ABI1: variants seen among roughly 807,000 people sequenced by gnomAD.
The protein encoded by ABI1 is Abelson interactor 1.
A neutral mutation model predicts 54.6 loss-of-function variants in ABI1; 14 were observed. The observed-to-expected ratio is 0.26, with a 90% CI of 0.17 to 0.40. ABI1 has a LOEUF of 0.40. Among genes scored for constraint, ABI1 ranks in the 10% least tolerant of loss-of-function variants. ABI1 has a pLI of 1.00. For missense variants in ABI1, 443 were observed against 598.3 expected, an observed-to-expected ratio of 0.74 and a Z score of 2.71; for synonymous variants, 194 against 209.3, an observed-to-expected ratio of 0.93 and a Z score of 0.63.
rs111243555 is a variant in ABI1 at position 26,762,250 on chromosome 10, C to T, written c.820+2968G>A. 2.7e-3 allele frequency among the ~76,000 whole-genome samples: 411 copies of T among 152,268 alleles called. 1 individual carries two copies. The highest frequency in any genetic ancestry group is 9.5e-3 in the African/African-American group (394 of 41,542). On this transcript the variant is annotated intron_variant, in intron 7 of 10. Transcript: ENST00000376140. ...TCTTGAACTCCTGGATCAAGCAATC[C>T]GCCTGCCTCAGCCTCCCAAAGTGCT...
chr10:26,850,448 A>G (rs1399310109), intron 1 of ABI1, among the ~76,000 whole-genome samples: 1 of 152,016 alleles, frequency 6.6e-6, no homozygotes, highest in East Asian at 1.9e-4. Context: ...TCACGAGGTC[A>G]GCAGTTCAAG....
rs754168378 is a variant in ABI1 at position 26,768,965 on chromosome 10, T to C, written c.606A>G (p.Glu202=). 1 of 1,612,278 alleles carries C rather than the reference T, an allele frequency of 6.2e-7. No individual in the cohort carries two copies. Among genetic ancestry groups the C allele is most frequent in the Non-Finnish European group, 8.5e-7 (1 of 1,178,952 alleles). ...TAGGAACTGTTGGGGGTTTAACAGG[T>C]TCCAGGGTTTTATAAGGAGTATTCC... ...LGRNTPYKTL[E]PVKPPTVPND... is the part of the protein sequence containing the mutation. The change falls in exon 6 of 11, where the codon GAA becomes GAG. Residue 202 remains glutamate, a synonymous_variant. Transcript: ENST00000376140.
At chr10:26,820,095 T>A (rs1005253795) in intron 2 of ABI1, among the ~76,000 whole-genome samples, 1 of 152,184 alleles carries the variant, frequency 6.6e-6, no homozygotes, top group Non-Finnish European at 1.5e-5. Flanking sequence ...GATGAATAAG[T>A]TCTGGAGATC....
chr10:26,808,156 C>T (rs778072020), intron 2 of ABI1, among the ~76,000 whole-genome samples: 14 of 152,156 alleles, frequency 9.2e-5, no homozygotes, highest in Non-Finnish European at 1.6e-4. Flanking sequence ...ATAACAATCT[C>T]TTATCTGTAG....
chr10:26,796,066 G>A (rs556995581), intron 2 of ABI1, among the ~76,000 whole-genome samples: 2 of 152,212 alleles, frequency 1.3e-5, no homozygotes, highest in African/African-American at 4.8e-5. Context: ...TCCAGCCTGG[G>A]TGACGGAGTG....
chr10:26,751,635 C>T lies in ABI1; in HGVS notation c.1233G>A (p.Gly411=), dbSNP rs1178232267. 1 of 1,612,930 alleles carries T rather than the reference C, an allele frequency of 6.2e-7. No homozygotes were observed. Among genetic ancestry groups the T allele is most frequent in the Admixed American group, 1.7e-5 (1 of 59,816 alleles). ...AATTCTTGGGGGCCCAAGCAGGATC[C>T]CCATCTGCATATGGATCATTATACT... ...VVQYNDPYAD[G]DPAWAPKNYI... Residue 411 remains glycine (G), a synonymous_variant, in exon 10 of 11, where the codon GGG becomes GGA. Coordinates refer to ENST00000376140, the MANE Select transcript of ABI1 (RefSeq NM_001012750.3).
At chr10:26,751,426 C>T (rs1452890586) in intron 10 of ABI1, among the ~76,000 whole-genome samples, 172 bp downstream of exon 10, 3 of 151,912 alleles carry the variant, frequency 2.0e-5, no homozygotes, top group Non-Finnish European at 4.4e-5. Flanking sequence ...AGAAAGAATC[C>T]CCCTGTACAC....
chr10:26,751,562 A>G (rs1837635602), intron 10 of ABI1, 36 bp downstream of exon 10: 1 of 1,583,482 alleles, frequency 6.3e-7, no homozygotes, highest in Non-Finnish European at 8.6e-7. Context: ...CAATTAGGTT[A>G]TTTTCCTTCA....
In ABI1 at chr10:26,787,863, T is replaced by TA. The variant is rs771095970; in HGVS notation, c.286-10623dup. Among the ~76,000 whole-genome samples the TA allele has an allele frequency of 3.5e-3, 467 of 133,440 alleles. 1 individual carries two copies. Among genetic ancestry groups the TA allele is most frequent in the South Asian group, 5.9e-3 (25 of 4,226 alleles). 87.5% of individuals were successfully genotyped at this position (133,440 alleles called of 152,430 possible). A position where few individuals can be genotyped will look rare whatever the true frequency, so the allele number is the denominator to read the frequency against. On this transcript the variant is annotated intron_variant, in intron 2 of 10. Transcript: ENST00000376140. ...TATAGCAATCCTTAGACCCACTGGT[T>TA]AAAAAAAAAAAAAAAGCGTGCAATC...
At chr10:26,777,504 G>A (rs545219840) in intron 2 of ABI1, among the ~76,000 whole-genome samples, 1 of 152,290 alleles carries the variant, frequency 6.6e-6, no homozygotes, top group East Asian at 1.9e-4. Context: ...TGTGGGCCGG[G>A]CATGGTGGCT....
chr10:26,823,455 G>C, intron 1 of ABI1, 150 bp from the exon 2 acceptor site: 1 of 668,294 alleles, frequency 1.5e-6, no homozygotes, highest in Non-Finnish European at 2.2e-6. Context: ...GGATACTACT[G>C]AATTAAGCCA....
In ABI1 at chr10:26,748,729, A is replaced by G. The variant is rs1837215629; in HGVS notation, c.1287T>C (p.Asp429=). ...NYIEKVVAIY[D]YTKDKDDELS... is the part of the protein sequence containing the mutation. ...GCTCATCATCCTTGTCTTTTGTATA[A>G]TCATATATTGCAACAACTATGGAAA... The change falls in exon 11 of 11, where the codon GAT becomes GAC. Residue 429 remains aspartate (D), a synonymous_variant. Coordinates refer to ENST00000376140, the MANE Select transcript of ABI1 (RefSeq NM_001012750.3). The G allele has an allele frequency of 6.2e-7, 1 of 1,611,560 alleles. No homozygotes were observed. Among genetic ancestry groups the G allele is most frequent in the Admixed American group, 1.7e-5 (1 of 59,834 alleles).
intron 4 of ABI1, 90 bp downstream of exon 4, chr10:26,770,985 A>C: frequency 7.7e-7 from 1 of 1,299,408 alleles, no homozygotes; most frequent in Non-Finnish European, 1.1e-6. Context: ...GCAGACAGAC[A>C]TAAGAAGAGT....
At chr10:26,835,776 T>C (rs1288362596) in intron 1 of ABI1, among the ~76,000 whole-genome samples, 2 of 109,268 alleles carry the variant, frequency 1.8e-5, no homozygotes, top group African/African-American at 9.9e-5. Context: ...TTTTTACTAA[T>C]ATTTTTTTTT....
chr10:26,827,374 A>C (rs2048370685), intron 1 of ABI1, among the ~76,000 whole-genome samples: 1 of 151,818 alleles, frequency 6.6e-6, no homozygotes, highest in African/African-American at 2.4e-5. Context: ...GGTGCCTGCC[A>C]CCACACCTGG....
At chr10:26,782,981 A>G (rs1842318849) in intron 2 of ABI1, among the ~76,000 whole-genome samples, 1 of 152,198 alleles carries the variant, frequency 6.6e-6, no homozygotes, top group South Asian at 2.1e-4. Flanking sequence ...AATTATAGGT[A>G]TATACTCAAA....
intron 2 of ABI1, among the ~76,000 whole-genome samples, chr10:26,795,021 G>A (rs887520950): frequency 1.3e-5 from 2 of 152,026 alleles, no homozygotes; most frequent in East Asian, 3.9e-4. Context: ...GCGCACGCCT[G>A]TAATCCCAGC....
chr10:26,793,015 A>T (rs1270579151), intron 2 of ABI1, among the ~76,000 whole-genome samples: 1 of 152,218 alleles, frequency 6.6e-6, no homozygotes, highest in Non-Finnish European at 1.5e-5. Flanking sequence ...GATTTTCTAC[A>T]ATATCATCTC....
At chr10:26,804,002 A>T (rs1045493396) in intron 2 of ABI1, among the ~76,000 whole-genome samples, 1 of 151,624 alleles carries the variant, frequency 6.6e-6, no homozygotes, top group Non-Finnish European at 1.5e-5. Context: ...GATGAAATAA[A>T]AAAAAAAAAT....
Sources: allele counts gnomAD v4.1 joint callset (sites outside exome capture counted in the v4.1 genomes callset), GRCh38; gene constraint gnomAD v4.1.1; transcripts MANE v1.5; gene names NCBI Gene and HGNC (gene_info 2026-07-23, HGNC 2026-07-21).